The following PTPRQ variants were observed in gnomAD, a reference collection of about 807,000 sequenced individuals.
PTPRQ encodes the protein phosphatidylinositol phosphatase PTPRQ.
Under a neutral mutation model 246.0 loss-of-function variants are expected in PTPRQ, and 199 were observed. The observed-to-expected ratio is 0.81, with a 90% CI of 0.72 to 0.91. PTPRQ has a LOEUF of 0.91. Among genes scored for constraint, PTPRQ ranks in the 40% least tolerant of loss-of-function variants. The pLI, the probability that PTPRQ is intolerant of heterozygous loss-of-function variation, is 0.00. For missense variants in PTPRQ, 2,624 were observed against 2,528.4 expected (o/e 1.04, Z -0.81); for synonymous variants, 869 against 853.2 (o/e 1.02, Z -0.32).
At position 80,481,368 on chromosome 12, in the gene PTPRQ, C is replaced by T. The variant is rs138195121; in HGVS notation, c.1187-3065C>T. On this transcript the variant is annotated intron_variant, in intron 8 of 44. Coordinates refer to ENST00000644991, the MANE Select transcript of PTPRQ (RefSeq NM_001145026.2). ...CTCAATAAATTAGGTATTGATGGGACGTATTTCAAAATAATAAGAGCCATC... is the reference window on the plus strand; with the variant it reads ...CTCAATAAATTAGGTATTGATGGGATGTATTTCAAAATAATAAGAGCCATC... 1.5e-3 allele frequency among the ~76,000 whole-genome samples: 230 copies of T among 152,184 alleles called. 3 individuals carry two copies. In the East Asian group the frequency reaches 0.034, roughly 22 times the overall value.
rs563257683 is a variant in PTPRQ at position 80,619,613 on chromosome 12, T to C, written c.5389+71T>C. On this transcript the variant is annotated intron_variant, in intron 31 of 44. Coordinates refer to ENST00000644991, the MANE Select transcript of PTPRQ (RefSeq NM_001145026.2). ...TTACTGAGTGCTAAAAAGAATTTAGTTCAAATTAAGATTGACTCCCAGTTA... is the reference window on the plus strand; with the variant it reads ...TTACTGAGTGCTAAAAAGAATTTAGCTCAAATTAAGATTGACTCCCAGTTA... 394 of 1,287,398 alleles carry C rather than the reference T, an allele frequency of 3.1e-4. 3 individuals are homozygous for C. The African/African-American group carries it at 5.6e-3, about 18-fold the overall frequency. The allele number at this position is 1,287,398 out of a possible 1,614,324, so 79.7% of individuals were successfully genotyped here.
At chr12:80,471,317 C>A (rs1433009832) in intron 7 of PTPRQ, among the ~76,000 whole-genome samples, 1 of 151,678 alleles carries the variant, frequency 6.6e-6, no homozygotes, top group Non-Finnish European at 1.5e-5. Flanking sequence ...CAGGAAAGAG[C>A]CAGTTTGTAG....
chr12:80,572,796 TAA>T (rs1245573445), intron 25 of PTPRQ, among the ~76,000 whole-genome samples: 2 of 152,224 alleles, frequency 1.3e-5, no homozygotes, highest in African/African-American at 4.8e-5. Flanking sequence ...CTTGCTGTGA[TAA>T]GTTACATGGT....
intron 17 of PTPRQ, among the ~76,000 whole-genome samples, chr12:80,521,131 ATG>A (rs1434521189): frequency 6.6e-6 from 1 of 151,930 alleles, no homozygotes; most frequent in African/African-American, 2.4e-5. Flanking sequence ...GCATTTTTTC[ATG>A]TGTCTTTTGG....
At chr12:80,533,291 T>A (rs1040029316) in intron 17 of PTPRQ, among the ~76,000 whole-genome samples, 2 of 151,978 alleles carry the variant, frequency 1.3e-5, no homozygotes, top group Admixed American at 6.6e-5. Context: ...AGTGTTATAT[T>A]TTGTTCTTTA....
intron 25 of PTPRQ, among the ~76,000 whole-genome samples, chr12:80,556,900 T>A (rs1369073235): frequency 1.3e-5 from 2 of 152,264 alleles, no homozygotes; most frequent in Non-Finnish European, 2.9e-5. Context: ...AGAAGGAGTG[T>A]AAGCAGGAAG....
Position 80,484,548 on chromosome 12 carries a change from G to A in PTPRQ, c.1302G>A (p.Val434=), listed in dbSNP as rs767695379. 27 of 1,550,820 alleles carry A rather than the reference G, an allele frequency of 1.7e-5. 1 individual carries two copies. The highest frequency in any genetic ancestry group is 4.4e-6 in the Non-Finnish European group (5 of 1,146,766). The part of the protein sequence containing the change: ...NGIINQYRVK[V]LVPETGIILE... ...TTATTAACCAATACCGAGTGAAAGTGCTAGTTCCAGAGACAGGAATAATTT... is the reference window on the plus strand; with the variant it reads ...TTATTAACCAATACCGAGTGAAAGTACTAGTTCCAGAGACAGGAATAATTT... The change falls in exon 9 of 45, where the codon GTG becomes GTA. Residue 434 remains valine (V), a synonymous_variant. Coordinates refer to ENST00000644991, the MANE Select transcript of PTPRQ (RefSeq NM_001145026.2).
In PTPRQ at chr12:80,534,978, A is replaced by C. The variant is rs1350499896; in HGVS notation, c.2926A>C (p.Asn976His). The change falls in exon 19 of 45, where the codon AAT (asparagine) becomes CAT (histidine). Residue 976 changes from asparagine (N) to histidine (H), a missense_variant. Coordinates refer to ENST00000644991, the MANE Select transcript of PTPRQ (RefSeq NM_001145026.2). ...TTTCTGGACACCTCCTTCAAAACCTAATGGGATTATACAATATTACTCTGT... is the reference window on the plus strand; with the variant it reads ...TTTCTGGACACCTCCTTCAAAACCTCATGGGATTATACAATATTACTCTGT... ...ILFWTPPSKPNGIIQYYSVYY... is the reference protein window; with the variant it reads ...ILFWTPPSKPHGIIQYYSVYY... The C allele has an allele frequency of 6.5e-7, 1 of 1,550,012 alleles. No individual in the cohort carries two copies. Among genetic ancestry groups the C allele is most frequent in the Admixed American group, 2.0e-5 (1 of 50,824 alleles).
chr12:80,647,052 A>T (rs185425173), intron 35 of PTPRQ, among the ~76,000 whole-genome samples: 1 of 152,226 alleles, frequency 6.6e-6, no homozygotes, highest in East Asian at 1.9e-4. Context: ...GTTTATTGAC[A>T]TTTTCCCAGA....
At chr12:80,512,702 A>T (rs1176282644) in intron 17 of PTPRQ, 1 of 152,190 alleles carries the variant, frequency 6.6e-6, no homozygotes, top group Admixed American at 6.5e-5. Flanking sequence ...TTCATTTCTC[A>T]TTCCCTCTGG....
At chr12:80,480,606 A>T (rs1894007870) in intron 8 of PTPRQ, among the ~76,000 whole-genome samples, 1 of 151,632 alleles carries the variant, frequency 6.6e-6, no homozygotes, top group Admixed American at 6.6e-5. Flanking sequence ...GAAAGGATCA[A>T]CAAAATACAT....
chr12:80,590,552 C>A (rs949028211), intron 26 of PTPRQ, among the ~76,000 whole-genome samples: 1 of 151,342 alleles, frequency 6.6e-6, no homozygotes, highest in Non-Finnish European at 1.5e-5. Context: ...CCTGTAGTCC[C>A]AGCTACTCGG....
chr12:80,563,492 G>A lies in PTPRQ; in HGVS notation c.4285+13758G>A, dbSNP rs75056775. Among the ~76,000 whole-genome samples, 880 of 152,266 alleles carry A rather than the reference G, an allele frequency of 5.8e-3. 27 individuals are homozygous for A. The South Asian group carries it at 0.066, about 11-fold the overall frequency. Reference sequence around the variant, plus strand: ...TATATCCTAATGTCATCACACTGCTGTTTAGGTTTCAACATATGAATTTTG... The same window carrying A: ...TATATCCTAATGTCATCACACTGCTATTTAGGTTTCAACATATGAATTTTG... On this transcript the variant is annotated intron_variant, in intron 25 of 44. Coordinates refer to ENST00000644991, the MANE Select transcript of PTPRQ (RefSeq NM_001145026.2).
At chr12:80,644,826 C>T (rs142463447) in intron 35 of PTPRQ, among the ~76,000 whole-genome samples, 13 of 152,048 alleles carry the variant, frequency 8.5e-5, no homozygotes, top group African/African-American at 2.7e-4. Context: ...GAGAAATACA[C>T]CTATACAACA....
chr12:80,646,566 G>C (rs928230052), intron 35 of PTPRQ, among the ~76,000 whole-genome samples: 1 of 152,102 alleles, frequency 6.6e-6, no homozygotes, highest in South Asian at 2.1e-4. Context: ...TTTACCCTCC[G>C]ATGCTTCTAG....
intron 34 of PTPRQ, among the ~76,000 whole-genome samples, chr12:80,633,353 G>T (rs1899514088): frequency 6.6e-6 from 1 of 152,236 alleles, no homozygotes; most frequent in South Asian, 2.1e-4. Flanking sequence ...CCCTTCTCAT[G>T]CTTACTTTCT....
At chr12:80,648,807 T>C in intron 35 of PTPRQ, 90 bp from the exon 36 acceptor site, 1 of 1,180,840 alleles carries the variant, frequency 8.5e-7, no homozygotes, top group Admixed American at 3.2e-5. Context: ...ATTATTGATT[T>C]ATTATAATTT....
chr12:80,677,376 A>ACTAG (rs1901179063), intron 43 of PTPRQ, among the ~76,000 whole-genome samples: 1 of 152,196 alleles, frequency 6.6e-6, no homozygotes, highest in Non-Finnish European at 1.5e-5. Flanking sequence ...ATTCTTACCA[A>ACTAG]AATTGAATTC....
rs1366875364 is a variant in PTPRQ at position 80,444,283 on chromosome 12, T to C, written c.-63T>C. 2 of 831,422 alleles carry C rather than the reference T, an allele frequency of 2.4e-6. No homozygotes were observed. Among genetic ancestry groups the C allele is most frequent in the Non-Finnish European group, 4.0e-6 (2 of 499,518 alleles). 51.5% of individuals were successfully genotyped at this position (831,422 alleles called of 1,614,324 possible). A position where few individuals can be genotyped will look rare whatever the true frequency, so the allele number is the denominator to read the frequency against. The stretch of plus-strand genomic sequence containing the variant: ...GAAGGATCTGTCTTTAAATCATTAA[T>C]GCAGGCAACATTTCTCTCTAGAGCC... On this transcript the variant is annotated 5_prime_UTR_variant, in exon 1 of 45. It removes an upstream start codon present in the reference 5' UTR. Coordinates refer to ENST00000644991, the MANE Select transcript of PTPRQ (RefSeq NM_001145026.2).
Sources: allele counts gnomAD v4.1 joint callset (sites outside exome capture counted in the v4.1 genomes callset), GRCh38; gene constraint gnomAD v4.1.1; transcripts MANE v1.5; gene names NCBI Gene and HGNC (gene_info 2026-07-23, HGNC 2026-07-21).